DBX2: variants seen among roughly 807,000 people sequenced by gnomAD.
DBX2 encodes homeobox protein DBX2.
In DBX2, 16 loss-of-function variants were observed where a neutral mutation model predicts 17.7. That is an observed-to-expected ratio of 0.90 (90% CI 0.61 to 1.37). The LOEUF (loss-of-function observed/expected upper bound fraction) is 1.37, where lower values mean the gene tolerates loss of function less well. Among genes scored for constraint, DBX2 ranks in the 40% most tolerant of loss-of-function variants. The probability of loss-of-function intolerance (pLI) is 0.00; values close to 1 mark genes in which losing one functional copy is unlikely to be tolerated. For missense variants in DBX2, 538 were observed against 433.8 expected, an observed-to-expected ratio of 1.24 and a Z score of -2.13; for synonymous variants, 255 against 183.8, an observed-to-expected ratio of 1.39 and a Z score of -3.13.
rs1266481621 is a variant in DBX2 at position 45,015,115 on chromosome 12, A to G, written c.*1171T>C. The G allele has an allele frequency of 1.3e-5, 2 of 152,198 alleles. No homozygotes were observed. The highest frequency in any genetic ancestry group is 3.8e-4 in the East Asian group (2 of 5,198). The allele number at this position is 152,198 out of a possible 1,614,324, so 9.4% of individuals were successfully genotyped here. A position where few individuals can be genotyped will look rare whatever the true frequency, so the allele number is the denominator to read the frequency against. On this transcript the variant is annotated 3_prime_UTR_variant, in exon 4 of 4. Transcript: ENST00000332700. ...ATTTCTTCTTGGTCCTGGAGTAAAA[A>G]CTTCTGGATTAACTCAGCAAATCGT...
At chr12:45,039,297 ATATATATATATATATATATATATATG>A (rs1160009264) in intron 1 of DBX2, among the ~76,000 whole-genome samples, 6 of 89,006 alleles carry the variant, frequency 6.7e-5, no homozygotes, top group African/African-American at 9.8e-5. Flanking sequence ...ATATATATAT[ATATATATATATATATATATATATATG>A]TATCACACTT....
At chr12:45,035,631 G>A (rs1943103866) in intron 2 of DBX2, among the ~76,000 whole-genome samples, 1 of 152,074 alleles carries the variant, frequency 6.6e-6, no homozygotes, top group African/African-American at 2.4e-5. Context: ...GACTTTCTGT[G>A]TTACATTTTA....
At chr12:45,023,611 A>C (rs1001051688) in intron 3 of DBX2, 96 bp downstream of exon 3, 9 of 1,400,386 alleles carry the variant, frequency 6.4e-6, no homozygotes, top group Non-Finnish European at 8.8e-6. Flanking sequence ...AAGAAATCAG[A>C]AGCAGTTGCC....
At chr12:45,048,285 G>A (rs1488236426) in intron 1 of DBX2, among the ~76,000 whole-genome samples, 2 of 152,076 alleles carry the variant, frequency 1.3e-5, no homozygotes, top group African/African-American at 4.8e-5. Flanking sequence ...GGAAAAAAGG[G>A]GGTAGTCAAC....
intron 1 of DBX2, among the ~76,000 whole-genome samples, chr12:45,048,567 T>C (rs1302095561): frequency 6.6e-6 from 1 of 152,188 alleles, no homozygotes; most frequent in Non-Finnish European, 1.5e-5. Flanking sequence ...GGCAAGAATC[T>C]GTAATTTAAA....
intron 2 of DBX2, among the ~76,000 whole-genome samples, chr12:45,032,610 G>A (rs1002898016): frequency 1.3e-4 from 20 of 152,162 alleles, no homozygotes; most frequent in African/African-American, 3.6e-4. Flanking sequence ...AGTGTATTAC[G>A]TTTTTTTAAG....
intron 2 of DBX2, among the ~76,000 whole-genome samples, chr12:45,032,627 CAAGAAG>C (rs561689536): frequency 5.3e-5 from 8 of 152,016 alleles, no homozygotes; most frequent in African/African-American, 1.9e-4. Flanking sequence ...TAAGTTTTAA[CAAGAAG>C]AAGAAGATAG....
chr12:45,033,133 G>A (rs1467185566), intron 2 of DBX2, among the ~76,000 whole-genome samples: 1 of 152,092 alleles, frequency 6.6e-6, no homozygotes, highest in Non-Finnish European at 1.5e-5. Context: ...ATTGCAATGG[G>A]AAGTCAGTCG....
intron 3 of DBX2, among the ~76,000 whole-genome samples, chr12:45,019,335 A>G (rs536322364): frequency 3.1e-4 from 47 of 152,250 alleles, no homozygotes; most frequent in Non-Finnish European, 4.4e-4. Context: ...GCCAATTCAC[A>G]GACTACAAAT....
At position 45,043,010 on chromosome 12, in the gene DBX2, A is replaced by G. The variant is rs111482190; in HGVS notation, c.404-6896T>C. On this transcript the variant is annotated intron_variant, in intron 1 of 3. Coordinates refer to ENST00000332700, the MANE Select transcript of DBX2 (RefSeq NM_001004329.3). Reference sequence around the variant, plus strand: ...GGAGATTCCTTGCTCTTTTTATTATAAAGTCTATGTCACAGAAGAGAATAC... The same window carrying G: ...GGAGATTCCTTGCTCTTTTTATTATGAAGTCTATGTCACAGAAGAGAATAC... 2.5e-3 allele frequency among the ~76,000 whole-genome samples: 379 copies of G among 152,286 alleles called. 2 individuals carry two copies. The highest frequency in any genetic ancestry group is 8.1e-3 in the African/African-American group (335 of 41,546).
rs369603405 is a variant in DBX2, at chr12:45,036,089, G to T, written c.429C>A (p.Ser143Arg). 1.2e-6 allele frequency: 2 copies of T among 1,613,094 alleles called. No individual in the cohort carries two copies. Among genetic ancestry groups the T allele is most frequent in the Admixed American group, 3.3e-5 (2 of 59,852 alleles). Reference sequence around the variant, plus strand: ...AGCACGCCGAGTAGAATGGCGGGGTGCTCAGAAGGAAAGGTTTGGAAGGTG... The same window carrying T: ...AGCACGCCGAGTAGAATGGCGGGGTTCTCAGAAGGAAAGGTTTGGAAGGTG... Reference protein sequence around the residue: ...APAPSKPFLLSTPPFYSACCG... With the variant: ...APAPSKPFLLRTPPFYSACCG... Residue 143 changes from serine (S) to arginine (R), a missense_variant, in exon 2 of 4, where the codon AGC becomes AGA. By Grantham distance (110) the Ser-to-Arg change is moderately radical. Transcript: ENST00000332700.
At chr12:45,023,656 C>A (rs762614025) in intron 3 of DBX2, 51 bp downstream of exon 3, 16 of 1,608,156 alleles carry the variant, frequency 9.9e-6, no homozygotes, top group African/African-American at 1.3e-5. Flanking sequence ...CTGATTTCAT[C>A]TGATCTCAGA....
At position 45,016,516 on chromosome 12, in the gene DBX2, G is replaced by T. The variant is rs373620813; in HGVS notation, c.790C>A (p.Pro264Thr). Residue 264 changes from proline to threonine, a missense_variant, in exon 4 of 4, where the codon CCC (proline) becomes ACC (threonine). Physicochemically the swap from Pro to Thr is conservative, Grantham distance 38. Transcript: ENST00000332700. ...CIQEVGLQED[P>T]LSRSALGFPS... ...AAACCCAGAGCAGACCGTGAGAGGGGATCCTCTTGAAGACCTACTTCTTGG... is the reference window on the plus strand; with the variant it reads ...AAACCCAGAGCAGACCGTGAGAGGGTATCCTCTTGAAGACCTACTTCTTGG... 3.4e-4 allele frequency: 544 copies of T among 1,612,692 alleles called. 2 individuals are homozygous for T. Among genetic ancestry groups the T allele is most frequent in the Non-Finnish European group, 4.5e-4 (534 of 1,179,556 alleles).
At position 45,016,718 on chromosome 12, in the gene DBX2, C is replaced by T. The variant is rs1451291148; in HGVS notation, c.688-100G>A. On this transcript the variant is annotated intron_variant, in intron 3 of 3. Coordinates refer to ENST00000332700, the MANE Select transcript of DBX2 (RefSeq NM_001004329.3). ...CTTCTACTATCCCTTCTACAGAATA[C>T]CTTATTATGACAGCCAACCTCAAAA... The T allele has an allele frequency of 9.4e-6, 11 of 1,166,454 alleles. No individual in the cohort carries two copies. In the Admixed American group the frequency reaches 3.0e-4, roughly 32 times the overall value. The allele number at this position is 1,166,454 out of a possible 1,614,324, so 72.3% of individuals were successfully genotyped here. A position where few individuals can be genotyped will look rare whatever the true frequency, so the allele number is the denominator to read the frequency against.
intron 2 of DBX2, among the ~76,000 whole-genome samples, chr12:45,029,654 C>G (rs1295225436): frequency 6.6e-6 from 1 of 152,002 alleles, no homozygotes; most frequent in African/African-American, 2.4e-5. Flanking sequence ...TGCCTGAGGT[C>G]AGGAGTTTGA....
At chr12:45,048,367 T>C (rs1946510915) in intron 1 of DBX2, among the ~76,000 whole-genome samples, 1 of 152,196 alleles carries the variant, frequency 6.6e-6, no homozygotes, top group African/African-American at 2.4e-5. Context: ...GAACTGGTTG[T>C]TGGATAACAT....
At position 45,016,187 on chromosome 12, in the gene DBX2, T is replaced by G; in HGVS notation, c.*99A>C. 5 of 1,299,672 alleles carry G rather than the reference T, an allele frequency of 3.8e-6. 1 individual carries two copies. In the South Asian group the frequency reaches 9.0e-5, roughly 23 times the overall value. The allele number at this position is 1,299,672 out of a possible 1,614,324, so 80.5% of individuals were successfully genotyped here. A position where few individuals can be genotyped will look rare whatever the true frequency, so the allele number is the denominator to read the frequency against. On this transcript the variant is annotated 3_prime_UTR_variant, in exon 4 of 4. Coordinates refer to ENST00000332700, the MANE Select transcript of DBX2 (RefSeq NM_001004329.3). ...TAGTTCATACATCGCTCCAAAGTTG[T>G]TAGGCTCTAAGCACTGATGAGGTAC...
chr12:45,015,702 T>C lies in DBX2; in HGVS notation c.*584A>G, dbSNP rs2137015890. On this transcript the variant is annotated 3_prime_UTR_variant, in exon 4 of 4. Coordinates refer to ENST00000332700, the MANE Select transcript of DBX2 (RefSeq NM_001004329.3). ...TCATTTTAAATATATATTCTCAGTG[T>C]ATGTATCTAGCAGTGGCTCATTTGT... 6.6e-6 allele frequency: 1 copy of C among 152,330 alleles called. No homozygotes were observed. The highest frequency in any genetic ancestry group is 6.5e-5 in the Admixed American group (1 of 15,284). The allele number at this position is 152,330 out of a possible 1,614,324, so 9.4% of individuals were successfully genotyped here.
At position 45,016,575 on chromosome 12, in the gene DBX2, G is replaced by T. The variant is rs955334670; in HGVS notation, c.731C>A (p.Ser244Tyr). The change falls in exon 4 of 4, where the codon TCC (serine) becomes TAC (tyrosine). Residue 244 changes from serine to tyrosine, a missense_variant. Transcript: ENST00000332700. ...GTTGGAAAGCACTTCCTTTTCTTTGGAATTCCGCCATTTCATCCTCCTGTT... is the reference window on the plus strand; with the variant it reads ...GTTGGAAAGCACTTCCTTTTCTTTGTAATTCCGCCATTTCATCCTCCTGTT... ...FQNRRMKWRN[S>Y]KEKEVLSNRC... 2.6e-6 allele frequency: 4 copies of T among 1,553,874 alleles called. No individual in the cohort carries two copies. Among genetic ancestry groups the T allele is most frequent in the Non-Finnish European group, 3.5e-6 (4 of 1,154,024 alleles).
Sources: gnomAD v4.1 joint callset for allele counts (sites outside exome capture counted in the v4.1 genomes callset) on GRCh38, gnomAD v4.1.1 for gene constraint, MANE v1.5 for transcripts, NCBI Gene and HGNC (gene_info 2026-07-23, HGNC 2026-07-21) for gene names.